The following LNX1 variants were observed in gnomAD, a reference collection of about 807,000 sequenced individuals.
LNX1 encodes the protein ligand of numb-protein X 1.
Under a neutral mutation model 68.4 loss-of-function variants are expected in LNX1, and 54 were observed. The observed-to-expected ratio is 0.79, with a 90% CI of 0.63 to 0.99. The LOEUF (loss-of-function observed/expected upper bound fraction) is 0.99, where lower values mean the gene tolerates loss of function less well. Ranked by LOEUF, LNX1 falls within the 50% of genes least tolerant of loss-of-function variation. The pLI is 0.00. For synonymous variants in LNX1, 336 were observed against 350.0 expected, an observed-to-expected ratio of 0.96 and a Z score of 0.45; for missense variants, 906 against 926.4, an observed-to-expected ratio of 0.98 and a Z score of 0.29.
At chr4:53,621,798 G>A (rs1011671704), upstream of LNX1, among the ~76,000 whole-genome samples, 2 of 152,144 alleles carry the variant, frequency 1.3e-5, no homozygotes, top group Non-Finnish European at 2.9e-5. Flanking sequence ...GACATGAAAT[G>A]GGCACCGATT....
chr4:53,546,618 A>T (rs1018700057), intron 2 of LNX1, among the ~76,000 whole-genome samples: 2 of 152,176 alleles, frequency 1.3e-5, no homozygotes, highest in Non-Finnish European at 2.9e-5. Context: ...TTCTTCATCT[A>T]TAAAATAGGG....
intron 2 of LNX1, among the ~76,000 whole-genome samples, chr4:53,616,227 C>A (rs577787181): frequency 6.6e-6 from 1 of 152,248 alleles, no homozygotes; most frequent in South Asian, 2.1e-4. Context: ...ATTGAGACAT[C>A]TTTTTTACTT....
intron 9 of LNX1, among the ~76,000 whole-genome samples, chr4:53,473,507 C>T (rs1307985140): frequency 1.3e-5 from 2 of 152,228 alleles, no homozygotes; most frequent in East Asian, 3.9e-4. Context: ...TGTGGGAATA[C>T]GGATGGATCT....
At chr4:53,476,318 C>T (rs1723558760) in intron 9 of LNX1, among the ~76,000 whole-genome samples, 1 of 152,008 alleles carries the variant, frequency 6.6e-6, no homozygotes, top group African/African-American at 2.4e-5. Flanking sequence ...AAAATAAAGC[C>T]ACAGAAGGCA....
intron 7 of LNX1, 45 bp from the exon 8 acceptor site, chr4:53,478,787 T>G: frequency 1.0e-5 from 16 of 1,554,054 alleles, no homozygotes; most frequent in Non-Finnish European, 1.3e-5. Context: ...TTCACAACTC[T>G]GGTAGTTTTT....
chr4:53,616,883 T>C (rs1241128141), intron 1 of LNX1, among the ~76,000 whole-genome samples: 3 of 152,158 alleles, frequency 2.0e-5, no homozygotes, highest in Non-Finnish European at 4.4e-5. Flanking sequence ...TAGCTAGCTG[T>C]GTGGTTACTG....
chr4:53,491,858 C>T (rs529402484), intron 6 of LNX1, among the ~76,000 whole-genome samples: 2 of 143,674 alleles, frequency 1.4e-5, no homozygotes, highest in Non-Finnish European at 3.0e-5. Context: ...AGTACAATGG[C>T]GCGATCTTGG....
intron 2 of LNX1, among the ~76,000 whole-genome samples, chr4:53,572,452 T>C (rs959046921): frequency 1.3e-5 from 2 of 152,162 alleles, no homozygotes; most frequent in Non-Finnish European, 2.9e-5. Context: ...ACCCAGGCCA[T>C]TGCTTTTGAT....
chr4:53,644,079 T>C (rs1461666909), intron 1 of LNX1, among the ~76,000 whole-genome samples: 1 of 152,156 alleles, frequency 6.6e-6, no homozygotes, highest in Non-Finnish European at 1.5e-5. Context: ...TACTATGTTT[T>C]GTACTTCATT....
chr4:53,630,063 C>T (rs1043567471), intron 1 of LNX1, among the ~76,000 whole-genome samples: 3 of 151,752 alleles, frequency 2.0e-5, no homozygotes, highest in Non-Finnish European at 2.9e-5. Flanking sequence ...AGTATTTTCC[C>T]ATGAAAATAG....
chr4:53,586,635 C>T (rs1177569791), intron 1 of LNX1, among the ~76,000 whole-genome samples: 3 of 152,150 alleles, frequency 2.0e-5, no homozygotes, highest in Non-Finnish European at 4.4e-5. Flanking sequence ...ACTAGTCAGC[C>T]TACCATGCCA....
intron 9 of LNX1, among the ~76,000 whole-genome samples, chr4:53,463,908 A>G (rs1448716143): frequency 1.3e-5 from 2 of 152,156 alleles, no homozygotes; most frequent in Admixed American, 1.3e-4. Context: ...TCTGCAGACT[A>G]CAAAAAACAC....
intron 2 of LNX1, among the ~76,000 whole-genome samples, chr4:53,531,152 T>G (rs1411406461): frequency 2.0e-5 from 3 of 152,174 alleles, no homozygotes; most frequent in Non-Finnish European, 4.4e-5. Context: ...GTCTCATACT[T>G]TCTTGCTTCC....
chr4:53,594,977 G>T (rs776551037), upstream of LNX1, among the ~76,000 whole-genome samples: 24 of 152,196 alleles, frequency 1.6e-4, no homozygotes, highest in Non-Finnish European at 2.6e-4. Context: ...CTCCCAAAGT[G>T]CTGGGATTAC....
At chr4:53,463,863 C>T (rs756526927) in intron 9 of LNX1, among the ~76,000 whole-genome samples, 1 of 151,860 alleles carries the variant, frequency 6.6e-6, no homozygotes, top group Non-Finnish European at 1.5e-5. Context: ...CTAATTTAGT[C>T]AATACATATT....
intron 1 of LNX1, among the ~76,000 whole-genome samples, chr4:53,577,969 G>A (rs899338738): frequency 2.0e-5 from 3 of 152,092 alleles, no homozygotes; most frequent in Non-Finnish European, 2.9e-5. Context: ...CACTGTGCTA[G>A]GGGCCTTATA....
At chr4:53,554,309 AC>A (rs1729730229) in intron 2 of LNX1, among the ~76,000 whole-genome samples, 1 of 152,110 alleles carries the variant, frequency 6.6e-6, no homozygotes, top group South Asian at 2.1e-4. Flanking sequence ...ATCCTTTTGA[AC>A]CTGGTGTCTT....
At chr4:53,487,233 A>T (rs1232519966) in intron 6 of LNX1, among the ~76,000 whole-genome samples, 1 of 152,242 alleles carries the variant, frequency 6.6e-6, no homozygotes, top group Non-Finnish European at 1.5e-5. Flanking sequence ...TTGGCATTGC[A>T]TGAGTCCATA....
intron 2 of LNX1, among the ~76,000 whole-genome samples, chr4:53,511,838 G>A (rs1245889451): frequency 6.6e-6 from 1 of 152,190 alleles, no homozygotes; most frequent in Non-Finnish European, 1.5e-5. Flanking sequence ...AGGGCAGCGT[G>A]ATCTGGGTTC....
Sources: gnomAD v4.1 joint callset for allele counts (sites outside exome capture counted in the v4.1 genomes callset) on GRCh38, gnomAD v4.1.1 for gene constraint, MANE v1.5 for transcripts, NCBI Gene and HGNC (gene_info 2026-07-23, HGNC 2026-07-21) for gene names.